Variants in DMD observed in about 807,000 individuals in gnomAD.
DMD encodes the protein mutant dystrophin.
A neutral mutation model predicts 330.1 loss-of-function variants in DMD; 63 were observed. That is an observed-to-expected ratio of 0.19 (90% CI 0.16 to 0.24). The LOEUF is 0.24. Ranked by LOEUF, DMD falls within the 10% of genes least tolerant of loss-of-function variation. The pLI, the probability that DMD is intolerant of heterozygous loss-of-function variation, is 1.00. For missense variants in DMD, 3,344 were observed against 2,684.1 expected, an observed-to-expected ratio of 1.25 and a Z score of -5.43; for synonymous variants, 1,223 against 959.8, an observed-to-expected ratio of 1.27 and a Z score of -5.07.
chrX:32,390,193 A>G lies in DMD; in HGVS notation c.4234-12T>C, dbSNP rs757851097. 11 of 1,126,075 alleles carry G rather than the reference A, an allele frequency of 9.8e-6. No homozygotes were observed. The East Asian group carries it at 3.0e-4, about 31-fold the overall frequency. The allele number at this position is 1,126,075 out of a possible 1,213,427, so 92.8% of individuals were successfully genotyped here. A position where few individuals can be genotyped will look rare whatever the true frequency, so the allele number is the denominator to read the frequency against. On this transcript the variant is annotated splice_polypyrimidine_tract_variant and intron_variant, in intron 30 of 78. Transcript: ENST00000357033. ...TCAGATTGGATTTTCTGTTGGGAGG[A>G]TAGCATTATTAGTCAGCATGCTCTA...
chrX:32,829,843 G>A (rs963356200), intron 4 of DMD, among the ~76,000 whole-genome samples: 13 of 111,807 alleles, frequency 1.2e-4, no homozygotes, highest in African/African-American at 3.9e-4. Context: ...CACAAGGTCT[G>A]ATTTAAAACT....
rs536405086 is a variant in DMD, at chrX:32,565,238, A to T, written c.1992+464T>A. On this transcript the variant is annotated intron_variant, in intron 16 of 78. Coordinates refer to ENST00000357033, the MANE Select transcript of DMD (RefSeq NM_004006.3). ...GTACAATAGTCAGATAATTAACTAC[A>T]CTAATAAAAAACTTTCCAAGAAATC... is the stretch of plus-strand genomic sequence containing the variant. Among the ~76,000 whole-genome samples the T allele has an allele frequency of 3.6e-5, 4 of 111,815 alleles. No homozygotes were observed. In the South Asian group the frequency reaches 1.5e-3, roughly 41 times the overall value.
intron 1 of DMD, among the ~76,000 whole-genome samples, chrX:33,096,769 GT>G (rs2095172406): frequency 8.9e-6 from 1 of 112,464 alleles, no homozygotes; most frequent in African/African-American, 3.2e-5. Context: ...GCCTCCCAAA[GT>G]GCTGGGATTA....
intron 16 of DMD, among the ~76,000 whole-genome samples, chrX:32,563,091 A>C (rs756806324): frequency 1.8e-5 from 2 of 110,915 alleles, no homozygotes; most frequent in African/African-American, 6.6e-5. Context: ...CTGTAATCTC[A>C]GCACTTTGGG....
intron 16 of DMD, among the ~76,000 whole-genome samples, chrX:32,551,700 G>C (rs756570351): frequency 9.0e-6 from 1 of 111,405 alleles, no homozygotes; most frequent in South Asian, 3.8e-4. Context: ...AATTATCCCT[G>C]TTTGCAGACG....
intron 59 of DMD, among the ~76,000 whole-genome samples, chrX:31,471,857 C>T (rs2067326497): frequency 8.9e-6 from 1 of 111,742 alleles, no homozygotes; most frequent in African/African-American, 3.3e-5. Flanking sequence ...TGGAGTGACA[C>T]TCGCTATAAT....
At chrX:31,501,663 A>C (rs145038334) in intron 56 of DMD, among the ~76,000 whole-genome samples, 60 of 112,123 alleles carry the variant, frequency 5.4e-4, no homozygotes, top group Admixed American at 5.1e-3. Context: ...TTATTTCTCT[A>C]GACACAGATA....
chrX:32,207,930 A>G (rs2097077514), intron 44 of DMD, among the ~76,000 whole-genome samples: 1 of 111,966 alleles, frequency 8.9e-6, no homozygotes, highest in South Asian at 3.7e-4. Flanking sequence ...CAAGGATAAA[A>G]TGTTTGAAAA....
chrX:33,001,474 C>T (rs1453687496), intron 2 of DMD, among the ~76,000 whole-genome samples: 1 of 111,679 alleles, frequency 9.0e-6, no homozygotes, highest in Non-Finnish European at 1.9e-5. Context: ...CAGTCTTTTG[C>T]TAATACTGAA....
chrX:32,113,798 C>T (rs942456234), intron 44 of DMD, among the ~76,000 whole-genome samples: 1 of 111,715 alleles, frequency 9.0e-6, no homozygotes, highest in Admixed American at 9.6e-5. Context: ...CAAACTTTGA[C>T]CTCATGCCCT....
intron 1 of DMD, among the ~76,000 whole-genome samples, chrX:33,300,406 T>G (rs773118969): frequency 8.9e-6 from 1 of 112,241 alleles, no homozygotes; most frequent in Non-Finnish European, 1.9e-5. Context: ...AACTTCTGGT[T>G]CATCCTCAAC....
At chrX:32,716,499 C>T (rs2065750974) in intron 7 of DMD, among the ~76,000 whole-genome samples, 2 of 111,519 alleles carry the variant, frequency 1.8e-5, no homozygotes, top group South Asian at 3.8e-4. Flanking sequence ...AACCTCTTAT[C>T]TTTACAAATT....
chrX:33,100,785 A>C (rs745622973), intron 1 of DMD, among the ~76,000 whole-genome samples: 1 of 112,650 alleles, frequency 8.9e-6, no homozygotes, highest in Non-Finnish European at 1.9e-5. Context: ...TATCAAGTAC[A>C]ATATTTAACT....
intron 44 of DMD, among the ~76,000 whole-genome samples, chrX:32,040,571 G>A (rs1236265332): frequency 9.0e-6 from 1 of 111,557 alleles, no homozygotes; most frequent in African/African-American, 3.3e-5. Context: ...TCTCTGGATG[G>A]GGGGGAGTCA....
chrX:33,301,642 A>G (rs1342579157), intron 1 of DMD, among the ~76,000 whole-genome samples: 1 of 111,951 alleles, frequency 8.9e-6, no homozygotes, highest in Admixed American at 9.5e-5. Flanking sequence ...GTGAGGACCC[A>G]GTCTCTGCTT....
At chrX:31,758,565 A>C (rs188679267) in intron 51 of DMD, among the ~76,000 whole-genome samples, 5 of 111,215 alleles carry the variant, frequency 4.5e-5, no homozygotes, top group African/African-American at 1.6e-4. Flanking sequence ...AATTTGTACC[A>C]TCAATTGGAA....
At chrX:32,704,908 G>C (rs1487462456) in intron 7 of DMD, among the ~76,000 whole-genome samples, 1 of 112,140 alleles carries the variant, frequency 8.9e-6, no homozygotes, top group African/African-American at 3.2e-5. Flanking sequence ...CAAAGTGCTG[G>C]AAGTAAAGTG....
intron 30 of DMD, among the ~76,000 whole-genome samples, chrX:32,402,685 C>T (rs1052798015): frequency 2.2e-4 from 25 of 111,539 alleles, no homozygotes; most frequent in African/African-American, 7.8e-4. Context: ...TTCCATCAGT[C>T]TTTCCTTTTC....
At chrX:32,860,799 C>G (rs753455143) in intron 2 of DMD, among the ~76,000 whole-genome samples, 3 of 110,952 alleles carry the variant, frequency 2.7e-5, no homozygotes, top group Non-Finnish European at 5.7e-5. Context: ...TGTGGAAGCT[C>G]CCCTCAAGAA....
Sources: gnomAD v4.1 joint callset for allele counts (sites outside exome capture counted in the v4.1 genomes callset) on GRCh38, gnomAD v4.1.1 for gene constraint, MANE v1.5 for transcripts, NCBI Gene and HGNC (gene_info 2026-07-23, HGNC 2026-07-21) for gene names.